The following PALS2 variants were observed in gnomAD, a reference collection of about 807,000 sequenced individuals.
The protein encoded by PALS2 is protein associated with LIN7 2, MAGUK p55 family member.
In PALS2, 27 loss-of-function variants were observed where a neutral mutation model predicts 61.6. The observed-to-expected ratio is 0.44, with a 90% CI of 0.32 to 0.60. The LOEUF (loss-of-function observed/expected upper bound fraction) is 0.60, where lower values mean the gene tolerates loss of function less well. PALS2 is among the 20% of genes least tolerant of loss of function. The pLI is 0.05. For synonymous variants in PALS2, 236 were observed against 218.6 expected (o/e 1.08, Z -0.70); for missense variants, 554 against 639.4 (o/e 0.87, Z 1.44).
chr7:24,579,511 C>G (rs980625209), intron 1 of PALS2, among the ~76,000 whole-genome samples: 10 of 152,032 alleles, frequency 6.6e-5, no homozygotes, highest in Admixed American at 6.6e-4. Flanking sequence ...GGCTTCCTCC[C>G]CCAAAAAGAG....
chr7:24,592,295 CA>C (rs1783318635), intron 1 of PALS2, among the ~76,000 whole-genome samples: 1 of 152,020 alleles, frequency 6.6e-6, no homozygotes, highest in Non-Finnish European at 1.5e-5. Flanking sequence ...GGGAAGGCTT[CA>C]TTTGAGACAA....
chr7:24,579,937 T>C (rs138342088), intron 1 of PALS2, among the ~76,000 whole-genome samples: 2,078 of 152,278 alleles, frequency 0.014, 33 homozygotes, highest in South Asian at 0.065. Context: ...AGGATTAATA[T>C]TTTTAAAAGA....
intron 6 of PALS2, among the ~76,000 whole-genome samples, chr7:24,664,852 T>G (rs1415126656): frequency 6.6e-6 from 1 of 152,126 alleles, no homozygotes; most frequent in African/African-American, 2.4e-5. Context: ...CTCTTAGTTT[T>G]CTCTTCTAAC....
At chr7:24,683,411 A>G (rs942011057) in intron 11 of PALS2, among the ~76,000 whole-genome samples, 6 of 152,052 alleles carry the variant, frequency 3.9e-5, no homozygotes, top group African/African-American at 2.4e-5. Context: ...ATGAGCACGT[A>G]TGTTCAAACT....
At chr7:24,629,045 C>G (rs1008473028) in intron 2 of PALS2, among the ~76,000 whole-genome samples, 2 of 152,040 alleles carry the variant, frequency 1.3e-5, no homozygotes, top group Non-Finnish European at 2.9e-5. Context: ...CAATCCTAAG[C>G]AAAAAGAACA....
chr7:24,597,247 C>G (rs970620998), intron 1 of PALS2: 1 of 152,054 alleles, frequency 6.6e-6, no homozygotes, highest in South Asian at 2.1e-4. Flanking sequence ...TAGATGAAGC[C>G]TCAGAAATAA....
chr7:24,676,482 T>G (rs1236251894), intron 9 of PALS2, among the ~76,000 whole-genome samples: 1 of 152,078 alleles, frequency 6.6e-6, no homozygotes, highest in Non-Finnish European at 1.5e-5. Context: ...ACGCCTAGGT[T>G]TTCTTCTAGG....
At chr7:24,677,642 G>A (rs1022890449) in intron 9 of PALS2, among the ~76,000 whole-genome samples, 1 of 152,080 alleles carries the variant, frequency 6.6e-6, no homozygotes, top group Admixed American at 6.5e-5. Flanking sequence ...TGTGGTTTTT[G>A]TCTTTGGTTC....
chr7:24,574,679 T>A (rs1782581182), intron 1 of PALS2, among the ~76,000 whole-genome samples: 1 of 152,186 alleles, frequency 6.6e-6, no homozygotes, highest in Non-Finnish European at 1.5e-5. Context: ...ACTTTGTGCT[T>A]CAAGTATATT....
At chr7:24,624,059 C>A in intron 2 of PALS2, 1 of 1,338,272 alleles carries the variant, frequency 7.5e-7, no homozygotes, top group Non-Finnish European at 9.9e-7. Flanking sequence ...TGTGTTTTAA[C>A]AGGGCCTGTG....
chr7:24,678,040 T>C (rs1213159236), intron 9 of PALS2, among the ~76,000 whole-genome samples: 1 of 152,216 alleles, frequency 6.6e-6, no homozygotes, highest in Non-Finnish European at 1.5e-5. Flanking sequence ...ATTCCATCAG[T>C]TATTCTCCAA....
At chr7:24,643,171 T>C (rs1027731327) in intron 3 of PALS2, among the ~76,000 whole-genome samples, 9 of 152,134 alleles carry the variant, frequency 5.9e-5, no homozygotes, top group African/African-American at 2.2e-4. Context: ...AAGAAAATGT[T>C]TTGGACATAC....
At chr7:24,645,882 G>T (rs907473639) in intron 3 of PALS2, among the ~76,000 whole-genome samples, 1 of 152,064 alleles carries the variant, frequency 6.6e-6, no homozygotes, top group African/African-American at 2.4e-5. Flanking sequence ...TGTGGCAATT[G>T]TGAATGGGAT....
At chr7:24,607,417 G>A (rs1283385219) in intron 1 of PALS2, among the ~76,000 whole-genome samples, 1 of 151,500 alleles carries the variant, frequency 6.6e-6, no homozygotes, top group African/African-American at 2.4e-5. Flanking sequence ...TTTGATCTAG[G>A]AATTCTACTT....
At chr7:24,593,641 G>C (rs1481828047) in intron 1 of PALS2, among the ~76,000 whole-genome samples, 1 of 152,108 alleles carries the variant, frequency 6.6e-6, no homozygotes, top group African/African-American at 2.4e-5. Flanking sequence ...ATGTCTATCA[G>C]AGCTCTTGGG....
chr7:24,681,525 A>ATTTT (rs780176633), intron 11 of PALS2, among the ~76,000 whole-genome samples: 11 of 138,590 alleles, frequency 7.9e-5, no homozygotes, highest in African/African-American at 2.9e-4. Context: ...TTTCTCCAAG[A>ATTTT]TTTTTTTTTT....
intron 2 of PALS2, among the ~76,000 whole-genome samples, chr7:24,639,154 C>T (rs925792348): frequency 6.6e-6 from 1 of 152,148 alleles, no homozygotes; most frequent in African/African-American, 2.4e-5. Flanking sequence ...AGATGTATGT[C>T]ATACATTTAA....
At chr7:24,593,406 T>G (rs1251729679) in intron 1 of PALS2, among the ~76,000 whole-genome samples, 1 of 152,132 alleles carries the variant, frequency 6.6e-6, no homozygotes, top group East Asian at 1.9e-4. Flanking sequence ...TATTTTGACC[T>G]TCTCCCATGA....
At chr7:24,668,707 A>T in intron 9 of PALS2, 47 bp downstream of exon 9, 1 of 1,585,296 alleles carries the variant, frequency 6.3e-7, no homozygotes, top group Non-Finnish European at 8.6e-7. Context: ...AGGAAAGAGT[A>T]TGGGCATATG....
Sources: gnomAD v4.1 joint callset for allele counts (sites outside exome capture counted in the v4.1 genomes callset) on GRCh38, gnomAD v4.1.1 for gene constraint, MANE v1.5 for transcripts, NCBI Gene and HGNC (gene_info 2026-07-23, HGNC 2026-07-21) for gene names.